GRIP1: variants seen among roughly 807,000 people sequenced by gnomAD.
GRIP1 encodes the protein glutamate receptor interacting protein 1, also known as glutamate receptor-interacting protein 1.
Under a neutral mutation model 129.9 loss-of-function variants are expected in GRIP1, and 45 were observed. The ratio of observed to expected loss-of-function variants is 0.35; its 90% CI spans 0.27 to 0.44. The LOEUF (loss-of-function observed/expected upper bound fraction) is 0.44. GRIP1 is among the 20% of genes least tolerant of loss of function. The pLI, the probability that GRIP1 is intolerant of heterozygous loss-of-function variation, is 1.00. For synonymous variants in GRIP1, 530 were observed against 520.8 expected (o/e 1.02, Z -0.24); for missense variants, 1,196 against 1,396.8 (o/e 0.86, Z 2.29).
intron 2 of GRIP1, among the ~76,000 whole-genome samples, chr12:66,564,625 C>T (rs2062676754): frequency 6.6e-6 from 1 of 152,230 alleles, no homozygotes; most frequent in Admixed American, 6.5e-5. Context: ...GATTTATAAT[C>T]CTTTGGGTAT....
At chr12:67,067,776 A>G (rs1239203698) in intron 1 of GRIP1, among the ~76,000 whole-genome samples, 1 of 152,130 alleles carries the variant, frequency 6.6e-6, no homozygotes, top group Non-Finnish European at 1.5e-5. Context: ...TAACCAAGCC[A>G]CCGTCCATAC....
At chr12:66,620,666 CTTTT>C (rs964924694) in intron 1 of GRIP1, among the ~76,000 whole-genome samples, 7 of 151,852 alleles carry the variant, frequency 4.6e-5, no homozygotes, top group East Asian at 1.9e-4. Flanking sequence ...CTTTCTCTTT[CTTTT>C]TCTTTTTTTT....
At chr12:66,914,664 C>T (rs991105163) in intron 1 of GRIP1, among the ~76,000 whole-genome samples, 6 of 152,152 alleles carry the variant, frequency 3.9e-5, no homozygotes, top group African/African-American at 1.2e-4. Flanking sequence ...TGGCTCTTAG[C>T]CTTCCCTGTT....
intron 1 of GRIP1, among the ~76,000 whole-genome samples, chr12:66,784,588 C>T (rs1309075968): frequency 6.6e-6 from 1 of 152,146 alleles, no homozygotes; most frequent in Non-Finnish European, 1.5e-5. Context: ...CTGCAGTTAG[C>T]ACCTAATCTA....
intron 1 of GRIP1, among the ~76,000 whole-genome samples, chr12:66,766,492 C>A (rs1403372248): frequency 6.6e-6 from 1 of 152,172 alleles, no homozygotes; most frequent in Non-Finnish European, 1.5e-5. Context: ...ACTATGTCCC[C>A]CACCAGACTG....
rs577245357 is a variant in GRIP1, at chr12:66,471,293, C to T, written c.725-5871G>A. ...CCTACCACAAGGGTTAACAGAGGTG[C>T]AGTTTGACTCCACTGCAAGCATGAC... On this transcript the variant is annotated intron_variant, in intron 7 of 24. Coordinates refer to ENST00000359742, the MANE Select transcript of GRIP1 (RefSeq NM_001366722.1). 1.7e-4 allele frequency among the ~76,000 whole-genome samples: 26 copies of T among 152,294 alleles called. 1 individual carries two copies. The highest frequency in any genetic ancestry group is 6.3e-4 in the African/African-American group (26 of 41,564).
intron 14 of GRIP1, among the ~76,000 whole-genome samples, chr12:66,421,514 T>C (rs2057801266): frequency 6.6e-6 from 1 of 152,092 alleles, no homozygotes; most frequent in African/African-American, 2.4e-5. Flanking sequence ...CACTGCACTC[T>C]AGCCTGGGCA....
chr12:66,700,190 G>A lies in GRIP1; in HGVS notation c.-419-69854C>T, dbSNP rs75733830. Among the ~76,000 whole-genome samples the A allele has an allele frequency of 1.2e-3, 179 of 152,270 alleles. No individual in the cohort carries two copies. The East Asian group carries it at 0.031, about 27-fold the overall frequency. The stretch of plus-strand genomic sequence containing the variant: ...AGGAAAATAAAGTTAGAGAAAAGGG[G>A]AAAGATGTTCCAGGCAGAGGGAAAA... On this transcript the variant is annotated intron_variant, in intron 1 of 4. Coordinates refer to the GRIP1 transcript ENST00000538373.
intron 2 of GRIP1, among the ~76,000 whole-genome samples, chr12:66,590,232 C>CA (rs1033651415): frequency 1.4e-4 from 22 of 152,198 alleles, no homozygotes; most frequent in Admixed American, 1.4e-3. Flanking sequence ...ACAGTCACCA[C>CA]AAAAAAATTT....
At chr12:66,747,747 T>C (rs1344224224) in intron 1 of GRIP1, among the ~76,000 whole-genome samples, 2 of 152,138 alleles carry the variant, frequency 1.3e-5, no homozygotes, top group Non-Finnish European at 2.9e-5. Flanking sequence ...CCAACATTTT[T>C]TTCCCCCAGG....
chr12:66,673,730 AT>A (rs888564365), intron 1 of GRIP1, among the ~76,000 whole-genome samples: 3 of 152,166 alleles, frequency 2.0e-5, no homozygotes, highest in Non-Finnish European at 4.4e-5. Context: ...ATCCATCACA[AT>A]CTGGACCACG....
chr12:67,056,908 T>G (rs1346090549), intron 1 of GRIP1, among the ~76,000 whole-genome samples: 1 of 152,110 alleles, frequency 6.6e-6, no homozygotes, highest in Non-Finnish European at 1.5e-5. Flanking sequence ...CCTCCCGGGT[T>G]CAAGCGATTC....
rs530628846 is a variant in GRIP1, at chr12:66,564,496, T to C, written c.137-22546A>G. Among the ~76,000 whole-genome samples, 13 of 152,302 alleles carry C rather than the reference T, an allele frequency of 8.5e-5. No homozygotes were observed. In the East Asian group the frequency reaches 2.3e-3, roughly 27 times the overall value. On this transcript the variant is annotated intron_variant, in intron 2 of 24. Coordinates refer to ENST00000359742, the MANE Select transcript of GRIP1 (RefSeq NM_001366722.1). ...GCTGCATAGTATTCCATGGTATATA[T>C]GTGCCACATTTTCTTAATCCAGTCT...
chr12:66,896,894 T>C (rs2040759025), intron 1 of GRIP1, among the ~76,000 whole-genome samples: 1 of 152,094 alleles, frequency 6.6e-6, no homozygotes, highest in South Asian at 2.1e-4. Flanking sequence ...AACAAATAAT[T>C]AGAATGTGTC....
At chr12:66,445,860 T>C (rs1241431532) in intron 11 of GRIP1, among the ~76,000 whole-genome samples, 5 of 152,164 alleles carry the variant, frequency 3.3e-5, no homozygotes, top group Non-Finnish European at 7.4e-5. Context: ...TTTGTCTCTT[T>C]GTGTGTCTAT....
chr12:66,791,004 A>C (rs1566023862), intron 1 of GRIP1, among the ~76,000 whole-genome samples: 1 of 152,180 alleles, frequency 6.6e-6, no homozygotes, highest in Admixed American at 6.6e-5. Flanking sequence ...TGACTGGTAC[A>C]GTTGCTACAG....
intron 1 of GRIP1, among the ~76,000 whole-genome samples, chr12:67,045,598 T>C (rs969624048): frequency 2.6e-5 from 4 of 152,150 alleles, no homozygotes; most frequent in Admixed American, 2.0e-4. Flanking sequence ...TGGGAGTAAA[T>C]ACCTGAGTAA....
chr12:66,541,273 C>A (rs1051332542), intron 3 of GRIP1, among the ~76,000 whole-genome samples: 10 of 152,190 alleles, frequency 6.6e-5, no homozygotes, highest in African/African-American at 2.4e-4. Context: ...CAGGTGAGAC[C>A]TCCTCCTCTA....
At chr12:67,063,065 A>T (rs1271804313) in intron 1 of GRIP1, among the ~76,000 whole-genome samples, 2 of 152,204 alleles carry the variant, frequency 1.3e-5, no homozygotes, top group Non-Finnish European at 2.9e-5. Context: ...TGTTAATTTC[A>T]TTTAATCCTC....
Sources: allele counts gnomAD v4.1 joint callset (sites outside exome capture counted in the v4.1 genomes callset), GRCh38; gene constraint gnomAD v4.1.1; transcripts MANE v1.5; gene names NCBI Gene and HGNC (gene_info 2026-07-23, HGNC 2026-07-21).